LONP1: variants seen among roughly 807,000 people sequenced by gnomAD.
LONP1 encodes lon protease homolog, mitochondrial.
LONP1 carries 31 observed loss-of-function variants against 98.5 expected under a neutral mutation model. The ratio of observed to expected loss-of-function variants is 0.31; its 90% CI spans 0.24 to 0.42. The LOEUF (loss-of-function observed/expected upper bound fraction) is 0.42. LONP1 is among the 20% of genes least tolerant of loss of function. The pLI is 1.00. For missense variants in LONP1, 1,336 were observed against 1,350.6 expected (o/e 0.99, Z 0.17); for synonymous variants, 781 against 594.7 (o/e 1.31, Z -4.56).
intron 1 of LONP1, among the ~76,000 whole-genome samples, chr19:5,716,816 C>CA (rs2055331903): frequency 6.6e-6 from 1 of 152,076 alleles, no homozygotes; most frequent in African/African-American, 2.4e-5. Context: ...TTTTTTAAGA[C>CA]AGAGTCTTGC....
At chr19:5,702,084 C>A (rs1051722418) in intron 8 of LONP1, among the ~76,000 whole-genome samples, 2 of 130,530 alleles carry the variant, frequency 1.5e-5, no homozygotes, top group Non-Finnish European at 3.4e-5. Flanking sequence ...GTGGGGGGGT[C>A]AGCCCCCCAC....
chr19:5,708,619 A>G (rs1474660139), intron 4 of LONP1: 1 of 517,176 alleles, frequency 1.9e-6, no homozygotes, highest in Non-Finnish European at 3.6e-6. Context: ...AGTCAAAACT[A>G]AAACCAAACC....
rs372513902 is a variant in LONP1, at chr19:5,705,839, C to T, written c.1300G>A (p.Val434Ile). 23 of 1,614,072 alleles carry T rather than the reference C, an allele frequency of 1.4e-5. No homozygotes were observed. Among genetic ancestry groups the T allele is most frequent in the Middle Eastern group, 1.6e-4 (1 of 6,084 alleles). The change falls in exon 8 of 18, where the codon GTC (valine) becomes ATC (isoleucine). Residue 434 changes from valine (V) to isoleucine (I), a missense_variant. Physicochemically the swap from Val to Ile is conservative, Grantham distance 29. Coordinates refer to ENST00000360614, the MANE Select transcript of LONP1 (RefSeq NM_004793.4). ...AGCTCCTCGTCCACAACATCCATGA[C>T]GTGCTTGGGGACCACGAGCTCCTTC... ...RLKELVVPKH[V>I]MDVVDEELSK...
At chr19:5,698,684 A>G (rs961787671) in intron 10 of LONP1, among the ~76,000 whole-genome samples, 1 of 152,162 alleles carries the variant, frequency 6.6e-6, no homozygotes, top group Non-Finnish European at 1.5e-5. Context: ...CACAGCCCAC[A>G]TAGACCAGCA....
At chr19:5,711,081 G>A (rs1404827346) in intron 4 of LONP1, among the ~76,000 whole-genome samples, 5 of 151,980 alleles carry the variant, frequency 3.3e-5, no homozygotes, top group African/African-American at 1.2e-4. Context: ...GGATAGAAGT[G>A]CTGACCTCAA....
intron 7 of LONP1, among the ~76,000 whole-genome samples, chr19:5,706,682 A>T (rs1012473178): frequency 6.6e-6 from 1 of 152,180 alleles, no homozygotes; most frequent in Non-Finnish European, 1.5e-5. Context: ...GCCGAAAATC[A>T]TGACAGCGAG....
chr19:5,719,155 G>A (rs940349371), intron 1 of LONP1, among the ~76,000 whole-genome samples: 6 of 152,128 alleles, frequency 3.9e-5, no homozygotes, highest in Middle Eastern at 3.2e-3. Flanking sequence ...TCAGCCGCCA[G>A]AGTAGCTGGG....
chr19:5,696,873 C>T (rs2054940936), intron 10 of LONP1, 116 bp from the exon 11 acceptor site: 1 of 674,154 alleles, frequency 1.5e-6, no homozygotes, highest in South Asian at 1.8e-5. Context: ...AAGATGTGGC[C>T]ATGATGTGGG....
rs1301890397 is a variant in LONP1 at position 5,693,541 on chromosome 19, G to C, written c.2538+11C>G. 6.2e-7 allele frequency: 1 copy of C among 1,613,812 alleles called. No individual in the cohort carries two copies. The highest frequency in any genetic ancestry group is 8.5e-7 in the Non-Finnish European group (1 of 1,179,948). On this transcript the variant is annotated intron_variant, in intron 16 of 17. Transcript: ENST00000360614. Reference sequence around the variant, plus strand: ...TGGGCGGGAGCAGGTGGGAGCGGATGGCGCGGTCACCTCGGGCACATGCAG... The same window carrying C: ...TGGGCGGGAGCAGGTGGGAGCGGATCGCGCGGTCACCTCGGGCACATGCAG...
At chr19:5,705,101 G>A (rs1257304532) in intron 8 of LONP1, among the ~76,000 whole-genome samples, 1 of 151,828 alleles carries the variant, frequency 6.6e-6, no homozygotes, top group African/African-American at 2.4e-5. Flanking sequence ...GGTGGAGGTT[G>A]CAGTGAACCA....
chr19:5,704,862 C>T (rs932141602), intron 8 of LONP1, among the ~76,000 whole-genome samples: 2 of 152,194 alleles, frequency 1.3e-5, no homozygotes, highest in African/African-American at 2.4e-5. Context: ...CTGGTCCTGG[C>T]GAGAAGGCCT....
intron 5 of LONP1, 34 bp downstream of exon 5, chr19:5,708,308 C>T: frequency 6.2e-7 from 1 of 1,605,452 alleles, no homozygotes. Context: ...GCAGAGATGC[C>T]CCCGCCTGGC....
In LONP1 at chr19:5,696,286, A is replaced by G; in HGVS notation, c.1859T>C (p.Leu620Pro). 6.2e-7 allele frequency: 1 copy of G among 1,613,446 alleles called. No individual in the cohort carries two copies. Among genetic ancestry groups the G allele is most frequent in the African/African-American group, 1.3e-5 (1 of 75,056 alleles). ...CACGGGCACGTCCAGGTAGTGGTCC[A>G]GGAAGTTGGCATTCTGCTCTGGGTC... ...LLDPEQNANF[L>P]DHYLDVPVDL... The change falls in exon 12 of 18, where the codon CTG (leucine) becomes CCG (proline). Residue 620 changes from leucine (L) to proline (P), a missense_variant. Physicochemically the swap from Leu to Pro is moderately conservative, Grantham distance 98. Transcript: ENST00000360614.
intron 9 of LONP1, 148 bp downstream of exon 9, chr19:5,700,641 G>A (rs1046814590): frequency 6.4e-5 from 72 of 1,120,392 alleles, no homozygotes; most frequent in Admixed American, 2.3e-4. Flanking sequence ...AGGGCAGGAT[G>A]CTACCTCCGC....
Position 5,719,840 on chromosome 19 carries a change from CCCGCGCCGCCGGCTCCTTCCT to C in LONP1, c.272_292del (p.Glu91_Ala97del), listed in dbSNP as rs2055402820. 4.4e-6 allele frequency: 7 copies of C among 1,607,904 alleles called. No individual in the cohort carries two copies. The highest frequency in any genetic ancestry group is 1.3e-5 in the African/African-American group (1 of 74,636). On this transcript the variant is annotated inframe_deletion, in exon 1 of 18. Coordinates refer to ENST00000360614, the MANE Select transcript of LONP1 (RefSeq NM_004793.4). ...GCCTTCCCCGGCGCCCGCGCTGCCCCCCGCGCCGCCGGCTCCTTCCTCCGCGCCGCCCTCGGAGGCGTCCTC... is the reference window on the plus strand; with the variant it reads ...GCCTTCCCCGGCGCCCGCGCTGCCCCCCGCGCCGCCCTCGGAGGCGTCCTC...
intron 8 of LONP1, among the ~76,000 whole-genome samples, chr19:5,703,762 C>A (rs141229224): frequency 2.6e-4 from 40 of 152,074 alleles, no homozygotes; most frequent in Non-Finnish European, 4.0e-4. Flanking sequence ...TAGCTGGCAG[C>A]CTGCTGCAGG....
rs1443879270 is a variant in LONP1 at position 5,719,893 on chromosome 19, C to G, written c.240G>C (p.Ser80=). 7 of 1,561,724 alleles carry G rather than the reference C, an allele frequency of 4.5e-6. No individual in the cohort carries two copies. The highest frequency in any genetic ancestry group is 3.9e-5 in the Admixed American group (2 of 50,978). The part of the protein sequence containing the change: ...EASSRGGGAF[S]GGEDASEGGA... ...CGCCCTCGGAGGCGTCCTCGCCCCC[C>G]GAGAATGCGCCTCCGCCGCGGCTGC... Residue 80 remains serine, a synonymous_variant, in exon 1 of 18, where the codon TCG becomes TCC. Coordinates refer to ENST00000360614, the MANE Select transcript of LONP1 (RefSeq NM_004793.4).
chr19:5,704,718 T>A (rs1016523152), intron 8 of LONP1, among the ~76,000 whole-genome samples: 3 of 152,216 alleles, frequency 2.0e-5, no homozygotes, highest in African/African-American at 7.2e-5. Context: ...GCGGCCACCC[T>A]GACTCATGGC....
intron 10 of LONP1, among the ~76,000 whole-genome samples, chr19:5,697,501 G>A (rs1255431598): frequency 1.4e-5 from 2 of 148,058 alleles, no homozygotes; most frequent in Non-Finnish European, 3.0e-5. Context: ...TGAGGCAGAG[G>A]GAGGAGGGGG....
Sources: allele counts gnomAD v4.1 joint callset (sites outside exome capture counted in the v4.1 genomes callset), GRCh38; gene constraint gnomAD v4.1.1; transcripts MANE v1.5; gene names NCBI Gene and HGNC (gene_info 2026-07-23, HGNC 2026-07-21).